SCARA5: variants seen among roughly 807,000 people sequenced by gnomAD.
The protein encoded by SCARA5 is scavenger receptor class A, member 5 (putative).
SCARA5 carries 45 observed loss-of-function variants against 46.3 expected under a neutral mutation model. The observed-to-expected ratio is 0.97, with a 90% CI of 0.76 to 1.24. The LOEUF (loss-of-function observed/expected upper bound fraction) is 1.24. Among genes scored for constraint, SCARA5 ranks in the 50% most tolerant of loss-of-function variants. SCARA5 has a pLI of 0.00. For synonymous variants in SCARA5, 333 were observed against 306.5 expected, an observed-to-expected ratio of 1.09 and a Z score of -0.90; for missense variants, 680 against 689.0, an observed-to-expected ratio of 0.99 and a Z score of 0.15.
chr8:27,947,595 G>C (rs935787422), intron 3 of SCARA5, among the ~76,000 whole-genome samples: 2 of 151,098 alleles, frequency 1.3e-5, no homozygotes, highest in African/African-American at 4.9e-5. Flanking sequence ...TGAACTTTGA[G>C]AACATTACGC....
At chr8:27,957,262 T>G (rs1030892576) in intron 3 of SCARA5, among the ~76,000 whole-genome samples, 7 of 152,224 alleles carry the variant, frequency 4.6e-5, no homozygotes, top group African/African-American at 1.7e-4. Flanking sequence ...ATCAAAGCAC[T>G]TGACATGTTT....
chr8:27,983,157 T>C (rs1808650066), intron 2 of SCARA5, among the ~76,000 whole-genome samples: 1 of 152,162 alleles, frequency 6.6e-6, no homozygotes, highest in Non-Finnish European at 1.5e-5. Context: ...AAAGAGGGAC[T>C]CCTCAGCACT....
chr8:27,963,462 G>T (rs1257874344), intron 3 of SCARA5, among the ~76,000 whole-genome samples: 1 of 152,184 alleles, frequency 6.6e-6, no homozygotes, highest in Non-Finnish European at 1.5e-5. Context: ...GTAGGAGGAG[G>T]CTCTTGCCGT....
At chr8:27,891,199 GTTTT>G (rs1211256366) in intron 7 of SCARA5, among the ~76,000 whole-genome samples, 7 of 43,448 alleles carry the variant, frequency 1.6e-4, no homozygotes, top group Non-Finnish European at 2.2e-4. Context: ...CAATAGGTTT[GTTTT>G]TTTTTTGTTT....
At chr8:27,948,788 G>T (rs1222546512) in intron 3 of SCARA5, among the ~76,000 whole-genome samples, 1 of 152,264 alleles carries the variant, frequency 6.6e-6, no homozygotes, top group East Asian at 1.9e-4. Context: ...ATGGACTACA[G>T]ACGGGAATGG....
intron 7 of SCARA5, among the ~76,000 whole-genome samples, chr8:27,901,889 C>A (rs1346625728): frequency 1.3e-5 from 2 of 152,326 alleles, no homozygotes; most frequent in Admixed American, 1.3e-4. Context: ...TTTTGTTCAG[C>A]CTCAGCCCTG....
rs1807591411 is a variant in SCARA5, at chr8:27,921,771, GC to G, written c.715del (p.Ala239ProfsTer14). 1 of 1,576,350 alleles carries G rather than the reference GC, an allele frequency of 6.3e-7. No homozygotes were observed. Among genetic ancestry groups the G allele is most frequent in the East Asian group, 2.3e-5 (1 of 43,374 alleles). ...GTCCTGCAGCCGCGTGCGGTGGAGG[GC>G]CACGTCGTAGGACAGGCTGTGGTTG... ...GLNHSLSYDV[A>X]LHRTRLQDLR... On this transcript the variant is annotated frameshift_variant, in exon 4 of 9. Transcript: ENST00000354914. LOFTEE classifies it high-confidence loss of function.
rs555610976 is a variant in SCARA5 at position 27,902,101 on chromosome 8, G to A, written c.1153+2677C>T. 2.6e-5 allele frequency among the ~76,000 whole-genome samples: 4 copies of A among 152,304 alleles called. No homozygotes were observed. The South Asian group carries it at 8.3e-4, about 32-fold the overall frequency. On this transcript the variant is annotated intron_variant, in intron 7 of 8. Transcript: ENST00000354914. ...TTTCACTGCCTCTGGAGACTACTGGGGGTGGGGGTCTTGTCAGAGGGCAGG... is the reference window on the plus strand; with the variant it reads ...TTTCACTGCCTCTGGAGACTACTGGAGGTGGGGGTCTTGTCAGAGGGCAGG...
intron 2 of SCARA5, among the ~76,000 whole-genome samples, chr8:27,986,472 G>T (rs1808706333): frequency 6.6e-6 from 1 of 152,076 alleles, no homozygotes; most frequent in South Asian, 2.1e-4. Context: ...GCTCACCCTG[G>T]CCTGACACGT....
chr8:27,942,516 T>C (rs1457483688), intron 3 of SCARA5, among the ~76,000 whole-genome samples: 2 of 152,166 alleles, frequency 1.3e-5, no homozygotes, highest in Admixed American at 1.3e-4. Flanking sequence ...TGCCCTCCTC[T>C]GGCCATGCCC....
intron 3 of SCARA5, among the ~76,000 whole-genome samples, chr8:27,965,603 T>C (rs1206670444): frequency 6.6e-6 from 1 of 152,226 alleles, no homozygotes; most frequent in Non-Finnish European, 1.5e-5. Context: ...CCCCCAATCT[T>C]AGCATGGAGC....
At chr8:27,876,516 T>C (rs918824816) in intron 8 of SCARA5, among the ~76,000 whole-genome samples, 1 of 151,612 alleles carries the variant, frequency 6.6e-6, no homozygotes, top group Admixed American at 6.6e-5. Context: ...TGGGATGGGG[T>C]CTGACTGGTA....
At chr8:27,987,763 G>A (rs1197414803) in intron 1 of SCARA5, 133 bp from the exon 2 acceptor site, 3 of 616,400 alleles carry the variant, frequency 4.9e-6, no homozygotes, top group Admixed American at 5.0e-5. Context: ...TGAACACCGG[G>A]ACCCTCTGCT....
In SCARA5 at chr8:27,872,068, T is replaced by C. The variant is rs1806648329; in HGVS notation, c.1354A>G (p.Thr452Ala). The change falls in exon 9 of 9, where the codon ACT becomes GCT. Residue 452 changes from threonine (T) to alanine (A), a missense_variant and splice_region_variant. By Grantham distance (58) the Thr-to-Ala change is moderately conservative. This residue lies in a region of SCARA5 where 219 missense variants were observed against 269.5 expected (regional missense o/e 0.81). Coordinates refer to ENST00000354914, the MANE Select transcript of SCARA5 (RefSeq NM_173833.6). ...VYRTARFGQG[T>A]GRIWMDDVAC... Reference sequence around the variant, plus strand: ...ACGTCATCCATCCAGATCCTCCCAGTGCCTGTGGAGACAGGGAAACACAGC... The same window carrying C: ...ACGTCATCCATCCAGATCCTCCCAGCGCCTGTGGAGACAGGGAAACACAGC... 2.5e-6 allele frequency: 4 copies of C among 1,614,080 alleles called. No individual in the cohort carries two copies. In the East Asian group the frequency reaches 6.7e-5, roughly 27 times the overall value.
chr8:27,899,259 T>C (rs1026299281), intron 7 of SCARA5, among the ~76,000 whole-genome samples: 1 of 152,176 alleles, frequency 6.6e-6, no homozygotes, highest in African/African-American at 2.4e-5. Flanking sequence ...AATTGAATAG[T>C]GGGACACCCA....
At position 27,871,479 on chromosome 8, in the gene SCARA5, AG is replaced by A; in HGVS notation, c.*454del. On this transcript the variant is annotated 3_prime_UTR_variant, in exon 9 of 9. Transcript: ENST00000354914. Reference sequence around the variant, plus strand: ...CACTTGACGTTGCCTCTTGCTGGGGAGGAAGATGTAGAAACTCTTGGACTAA... The same window carrying A: ...CACTTGACGTTGCCTCTTGCTGGGGAGAAGATGTAGAAACTCTTGGACTAA... 1.0e-6 allele frequency: 1 copy of A among 990,010 alleles called. No homozygotes were observed. The highest frequency in any genetic ancestry group is 4.6e-5 in the South Asian group (1 of 21,522). The allele number at this position is 990,010 out of a possible 1,614,324, so 61.3% of individuals were successfully genotyped here. A position where few individuals can be genotyped will look rare whatever the true frequency, so the allele number is the denominator to read the frequency against.
chr8:27,882,773 G>T (rs1226805419), intron 7 of SCARA5, among the ~76,000 whole-genome samples: 1 of 152,176 alleles, frequency 6.6e-6, no homozygotes, highest in Non-Finnish European at 1.5e-5. Flanking sequence ...TGGGTAGGTG[G>T]CAAATTATAT....
At chr8:27,943,472 T>C (rs1046533518) in intron 3 of SCARA5, among the ~76,000 whole-genome samples, 3 of 152,222 alleles carry the variant, frequency 2.0e-5, no homozygotes, top group Non-Finnish European at 4.4e-5. Context: ...AGTCATTCTT[T>C]CCTGAATGTG....
intron 1 of SCARA5, among the ~76,000 whole-genome samples, chr8:27,989,538 G>T (rs1204659439): frequency 6.6e-6 from 1 of 152,144 alleles, no homozygotes; most frequent in East Asian, 1.9e-4. Context: ...TAATGACCCA[G>T]GAGGGCTGGA....
Sources: allele counts gnomAD v4.1 joint callset (sites outside exome capture counted in the v4.1 genomes callset), GRCh38; gene constraint gnomAD v4.1.1; regional missense constraint gnomAD v4.1.1; transcripts MANE v1.5; gene names NCBI Gene and HGNC (gene_info 2026-07-23, HGNC 2026-07-21).